The following DOCK10 variants were observed in gnomAD, a reference collection of about 807,000 sequenced individuals.
The protein encoded by DOCK10 is dedicator of cytokinesis 10.
In DOCK10, 145 loss-of-function variants were observed where a neutral mutation model predicts 280.1. The observed-to-expected ratio is 0.52, with a 90% CI of 0.45 to 0.59. The LOEUF (loss-of-function observed/expected upper bound fraction) is 0.59, where lower values mean the gene tolerates loss of function less well. Among genes scored for constraint, DOCK10 ranks in the 20% least tolerant of loss-of-function variants. DOCK10 has a pLI of 0.00. For missense variants in DOCK10, 2,368 were observed against 2,651.7 expected (o/e 0.89, Z 2.35); for synonymous variants, 915 against 942.2 (o/e 0.97, Z 0.53).
At position 224,900,760 on chromosome 2, in the gene DOCK10, C is replaced by T. The variant is rs544366664; in HGVS notation, c.334-4383G>A. On this transcript the variant is annotated intron_variant, in intron 3 of 55. Coordinates refer to ENST00000258390, the MANE Select transcript of DOCK10 (RefSeq NM_014689.3). ...AAGCGCCTAGCATAGTGTAAGCCCT[C>T]AATAAGTACTTGCTTAACAACATCA... is the stretch of plus-strand genomic sequence containing the variant. Among the ~76,000 whole-genome samples, 43 of 152,326 alleles carry T rather than the reference C, an allele frequency of 2.8e-4. 1 individual carries two copies. In the South Asian group the frequency reaches 8.7e-3, roughly 31 times the overall value.
At chr2:224,781,814 A>T (rs1324297979) in intron 50 of DOCK10, among the ~76,000 whole-genome samples, 4 of 152,244 alleles carry the variant, frequency 2.6e-5, no homozygotes. Flanking sequence ...GTAAAAATGT[A>T]CTTCAATAAA....
chr2:224,892,990 C>T (rs754618876), intron 4 of DOCK10, among the ~76,000 whole-genome samples: 1 of 152,218 alleles, frequency 6.6e-6, no homozygotes, highest in East Asian at 1.9e-4. Flanking sequence ...ATTGCGTGGT[C>T]TCTAAGAGCC....
At chr2:225,033,877 T>C (rs1690152670) in intron 1 of DOCK10, among the ~76,000 whole-genome samples, 1 of 152,208 alleles carries the variant, frequency 6.6e-6, no homozygotes, top group Non-Finnish European at 1.5e-5. Flanking sequence ...TGTATTTCTA[T>C]AGAAGGAGAG....
At chr2:224,809,690 T>C (rs1242001462) in intron 31 of DOCK10, among the ~76,000 whole-genome samples, 1 of 152,026 alleles carries the variant, frequency 6.6e-6, no homozygotes, top group South Asian at 2.1e-4. Context: ...ATGGCTATTA[T>C]CAGAAAGTCA....
intron 1 of DOCK10, among the ~76,000 whole-genome samples, chr2:225,022,450 A>C (rs1275522896): frequency 2.0e-5 from 3 of 146,756 alleles, no homozygotes; most frequent in Non-Finnish European, 4.6e-5. Flanking sequence ...ACTGGCTCCA[A>C]GTCACAAACC....
intron 1 of DOCK10, chr2:224,982,097 T>G (rs193016048): frequency 2.5e-6 from 2 of 797,062 alleles, no homozygotes; most frequent in East Asian, 6.7e-5. Context: ...AGTAGTAAAC[T>G]CTAGGTCACA....
At chr2:224,903,162 G>A (rs1334791574) in intron 3 of DOCK10, among the ~76,000 whole-genome samples, 1 of 152,140 alleles carries the variant, frequency 6.6e-6, no homozygotes, top group Non-Finnish European at 1.5e-5. Flanking sequence ...TGAGGCAGAA[G>A]TACAAATAAT....
At chr2:224,999,987 G>A (rs942405450) in intron 1 of DOCK10, among the ~76,000 whole-genome samples, 1 of 152,150 alleles carries the variant, frequency 6.6e-6, no homozygotes, top group African/African-American at 2.4e-5. Flanking sequence ...GATGTCACAA[G>A]GCACTGAAGC....
intron 3 of DOCK10, among the ~76,000 whole-genome samples, chr2:224,908,766 G>A (rs1700830503): frequency 6.6e-6 from 1 of 152,048 alleles, no homozygotes; most frequent in Non-Finnish European, 1.5e-5. Context: ...CAAAGTGCTG[G>A]GATTACTGGT....
At chr2:224,800,911 C>G (rs1692942717) in intron 40 of DOCK10, among the ~76,000 whole-genome samples, 1 of 151,988 alleles carries the variant, frequency 6.6e-6, no homozygotes, top group Non-Finnish European at 1.5e-5. Context: ...TTGGTTTGGT[C>G]TGGAAAGGCA....
chr2:225,025,213 G>A (rs1056519787), intron 1 of DOCK10, among the ~76,000 whole-genome samples: 6 of 152,168 alleles, frequency 3.9e-5, no homozygotes, highest in South Asian at 4.1e-4. Flanking sequence ...AGTAAGAATC[G>A]TGAAGGAGTC....
At chr2:224,954,492 C>G (rs893279071) in intron 1 of DOCK10, among the ~76,000 whole-genome samples, 1 of 152,090 alleles carries the variant, frequency 6.6e-6, no homozygotes, top group Non-Finnish European at 1.5e-5. Context: ...ATCCAACTGT[C>G]TTCGAGAAGT....
chr2:224,792,644 C>G (rs1268377237), intron 47 of DOCK10, among the ~76,000 whole-genome samples: 2 of 152,162 alleles, frequency 1.3e-5, no homozygotes, highest in East Asian at 3.8e-4. Flanking sequence ...ATTCCTCTTG[C>G]AATTTCAAAC....
chr2:224,840,718 T>C (rs1695907388), intron 23 of DOCK10, among the ~76,000 whole-genome samples: 1 of 152,064 alleles, frequency 6.6e-6, no homozygotes, highest in African/African-American at 2.4e-5. Flanking sequence ...CCTCAAAAAA[T>C]TAAAAATAGC....
intron 24 of DOCK10, among the ~76,000 whole-genome samples, chr2:224,839,056 C>T (rs1237445252): frequency 6.6e-6 from 1 of 151,506 alleles, no homozygotes; most frequent in African/African-American, 2.4e-5. Flanking sequence ...TATGTTTACA[C>T]AAAACCTCTA....
At chr2:224,864,808 T>C in intron 12 of DOCK10, 58 bp downstream of exon 12, 1 of 1,604,508 alleles carries the variant, frequency 6.2e-7, no homozygotes, top group Non-Finnish European at 8.5e-7. Flanking sequence ...ATATGATCTA[T>C]TGGTAAGAAT....
intron 1 of DOCK10, among the ~76,000 whole-genome samples, chr2:224,960,736 T>C (rs920617921): frequency 7.8e-6 from 1 of 128,748 alleles, no homozygotes; most frequent in Admixed American, 7.6e-5. Context: ...AATTCTTTTT[T>C]TTTTTTTTTT....
chr2:224,776,149 T>C (rs1039995200), intron 51 of DOCK10, among the ~76,000 whole-genome samples: 2 of 152,130 alleles, frequency 1.3e-5, no homozygotes, highest in African/African-American at 4.8e-5. Flanking sequence ...GTTCTCAGCT[T>C]TTCTAATGAA....
chr2:224,874,575 C>T, intron 9 of DOCK10, 91 bp downstream of exon 9: 1 of 1,316,410 alleles, frequency 7.6e-7, no homozygotes, highest in South Asian at 1.2e-5. Flanking sequence ...TGGTCTAAAT[C>T]TTAAAAGAAA....
Sources: gnomAD v4.1 joint callset for allele counts (sites outside exome capture counted in the v4.1 genomes callset) on GRCh38, gnomAD v4.1.1 for gene constraint, MANE v1.5 for transcripts, NCBI Gene and HGNC (gene_info 2026-07-23, HGNC 2026-07-21) for gene names.